DAPK1: variants seen among roughly 807,000 people sequenced by gnomAD.
The protein encoded by DAPK1 is death-associated protein kinase 1.
In DAPK1, 56 loss-of-function variants were observed where a neutral mutation model predicts 144.9. That is an observed-to-expected ratio of 0.39 (90% CI 0.31 to 0.48). The LOEUF (loss-of-function observed/expected upper bound fraction) is 0.48, where lower values mean the gene tolerates loss of function less well. Ranked by LOEUF, DAPK1 falls within the 20% of genes least tolerant of loss-of-function variation. The pLI, the probability that DAPK1 is intolerant of heterozygous loss-of-function variation, is 0.95. For synonymous variants in DAPK1, 690 were observed against 749.0 expected (o/e 0.92, Z 1.29); for missense variants, 1,454 against 1,875.4 (o/e 0.78, Z 4.15).
At chr9:87,677,959 AC>A (rs1364971917) in intron 19 of DAPK1, among the ~76,000 whole-genome samples, 1 of 152,100 alleles carries the variant, frequency 6.6e-6, no homozygotes, top group African/African-American at 2.4e-5. Flanking sequence ...GACAGGTGCC[AC>A]CCCCAATGAG....
At position 87,521,345 on chromosome 9, in the gene DAPK1, T is replaced by C. The variant is rs1322188362; in HGVS notation, c.62+22206T>C. On this transcript the variant is annotated intron_variant, in intron 2 of 25. Coordinates refer to ENST00000408954, the MANE Select transcript of DAPK1 (RefSeq NM_004938.4). ...AGGTCTGGAAAGGCAGGTGCTTGTC[T>C]GTCTTATTCAGTCTTTAGCCCCAGA... Among the ~76,000 whole-genome samples the C allele has an allele frequency of 2.6e-5, 4 of 152,250 alleles. No homozygotes were observed. In the East Asian group the frequency reaches 7.7e-4, roughly 29 times the overall value.
chr9:87,659,867 C>T (rs1470421243), intron 18 of DAPK1, among the ~76,000 whole-genome samples: 9 of 152,180 alleles, frequency 5.9e-5, no homozygotes, highest in East Asian at 1.9e-4. Context: ...ACAGTGAGAG[C>T]GGGGAGTCCA....
chr9:87,505,265 T>C (rs1824543592), intron 2 of DAPK1, among the ~76,000 whole-genome samples: 1 of 152,248 alleles, frequency 6.6e-6, no homozygotes. Flanking sequence ...AATATTATTT[T>C]AGTAGAAATT....
At chr9:87,521,215 G>A (rs1825286468) in intron 2 of DAPK1, among the ~76,000 whole-genome samples, 1 of 152,162 alleles carries the variant, frequency 6.6e-6, no homozygotes. Context: ...ATCACCTAAG[G>A]GTGTCTGTGT....
At chr9:87,613,340 G>A (rs1315771905) in intron 3 of DAPK1, among the ~76,000 whole-genome samples, 1 of 152,146 alleles carries the variant, frequency 6.6e-6, no homozygotes, top group Admixed American at 6.5e-5. Flanking sequence ...CTGAAATGCT[G>A]TGCCTATTGA....
intron 19 of DAPK1, 119 bp from the exon 20 acceptor site, chr9:87,681,285 G>T: frequency 1.3e-5 from 5 of 394,372 alleles, no homozygotes; most frequent in Non-Finnish European, 1.7e-5. Context: ...TCTCAAAAAA[G>T]AAAAAAAGAA....
chr9:87,604,406 G>A (rs1422889506), intron 2 of DAPK1, among the ~76,000 whole-genome samples: 2 of 152,200 alleles, frequency 1.3e-5, no homozygotes, highest in African/African-American at 2.4e-5. Flanking sequence ...TAATGCTGGA[G>A]AAGTGACCAA....
At chr9:87,515,029 G>A (rs10122064) in intron 2 of DAPK1, among the ~76,000 whole-genome samples, 2,031 of 152,282 alleles carry the variant, frequency 0.013, 47 homozygotes, top group African/African-American at 0.046. Context: ...GGCAAAAGCT[G>A]GAGAACCCGA....
chr9:87,518,567 T>C (rs1347264815), intron 2 of DAPK1, among the ~76,000 whole-genome samples: 1 of 152,130 alleles, frequency 6.6e-6, no homozygotes, highest in Admixed American at 6.5e-5. Context: ...GCCTCACAAC[T>C]GTTTACTAGG....
At chr9:87,691,573 A>G (rs1030105862) in intron 21 of DAPK1, among the ~76,000 whole-genome samples, 3 of 151,796 alleles carry the variant, frequency 2.0e-5, no homozygotes, top group African/African-American at 4.8e-5. Context: ...TTTGAGGTGC[A>G]TCATTCGATT....
At chr9:87,660,008 A>G (rs1013442002) in intron 18 of DAPK1, among the ~76,000 whole-genome samples, 1 of 152,068 alleles carries the variant, frequency 6.6e-6, no homozygotes, top group Non-Finnish European at 1.5e-5. Flanking sequence ...GTGGGTCCTG[A>G]GGGCGTGGAC....
At chr9:87,595,715 G>A (rs1170372697) in intron 2 of DAPK1, among the ~76,000 whole-genome samples, 1 of 152,150 alleles carries the variant, frequency 6.6e-6, no homozygotes, top group Non-Finnish European at 1.5e-5. Flanking sequence ...CTTTCGCCAA[G>A]GGACCGACCT....
At position 87,683,906 on chromosome 9, in the gene DAPK1, A is replaced by C. The variant is rs529517500; in HGVS notation, c.2224+2280A>C. Among the ~76,000 whole-genome samples the C allele has an allele frequency of 2.7e-3, 416 of 152,222 alleles. 7 individuals carry two copies. Among genetic ancestry groups the C allele is most frequent in the African/African-American group, 9.8e-3 (405 of 41,522 alleles). The stretch of plus-strand genomic sequence containing the variant: ...CAGCTGTCCTGGTCCCTGGGCCCCC[A>C]CAGTCAGTGCCGCCTGCCCCTGGTG... On this transcript the variant is annotated intron_variant, in intron 20 of 25. Coordinates refer to ENST00000408954, the MANE Select transcript of DAPK1 (RefSeq NM_004938.4).
At chr9:87,555,602 C>T (rs12004203) in intron 2 of DAPK1, among the ~76,000 whole-genome samples, 35,287 of 151,674 alleles carry the variant, frequency 0.23, 4,638 homozygotes, top group Non-Finnish European at 0.31. Context: ...CTCCCGGGTT[C>T]AAGCAATTTT....
chr9:87,639,687 G>A lies in DAPK1; in HGVS notation c.591G>A (p.Glu197=), dbSNP rs1348051081. The A allele has an allele frequency of 6.2e-7, 1 of 1,614,096 alleles. No homozygotes were observed. Reference sequence around the variant, plus strand: ...TCAACTATGAACCTCTTGGTCTTGAGGCAGATATGTGGTAAGGAGTATGTC... The same window carrying A: ...TCAACTATGAACCTCTTGGTCTTGAAGCAGATATGTGGTAAGGAGTATGTC... ...EIVNYEPLGL[E]ADMWSIGVIT... The change falls in exon 6 of 26, where the codon GAG becomes GAA. Residue 197 remains glutamate, a synonymous_variant. Transcript: ENST00000408954.
chr9:87,661,563 C>G (rs1210656670), intron 18 of DAPK1, among the ~76,000 whole-genome samples: 2 of 152,126 alleles, frequency 1.3e-5, no homozygotes, highest in Admixed American at 6.5e-5. Flanking sequence ...ACTTGCATGT[C>G]TCTGATGATT....
At position 87,499,086 on chromosome 9, in the gene DAPK1, G is replaced by A; in HGVS notation, c.9G>A (p.Val3=). The part of the protein sequence containing the change: MT[V]FRQENVDDYY... Reference sequence around the variant, plus strand: ...AGGCGTGACAGTTTATCATGACCGTGTTCAGGCAGGAAAACGTGGATGATT... The same window carrying A: ...AGGCGTGACAGTTTATCATGACCGTATTCAGGCAGGAAAACGTGGATGATT... The change falls in exon 2 of 26, where the codon GTG becomes GTA. Residue 3 remains valine (V), a synonymous_variant. Coordinates refer to ENST00000408954, the MANE Select transcript of DAPK1 (RefSeq NM_004938.4). 1.1e-5 allele frequency: 18 copies of A among 1,614,122 alleles called. No individual in the cohort carries two copies. Among genetic ancestry groups the A allele is most frequent in the Non-Finnish European group, 1.5e-5 (18 of 1,180,004 alleles).
At chr9:87,687,345 A>G (rs1282407523) in intron 21 of DAPK1, among the ~76,000 whole-genome samples, 1 of 152,106 alleles carries the variant, frequency 6.6e-6, no homozygotes, top group Non-Finnish European at 1.5e-5. Flanking sequence ...CCTCCATAAA[A>G]TCAACTTTTT....
intron 2 of DAPK1, among the ~76,000 whole-genome samples, chr9:87,508,684 C>T (rs1317519021): frequency 6.6e-6 from 1 of 152,146 alleles, no homozygotes; most frequent in East Asian, 1.9e-4. Context: ...ACCCCTGACA[C>T]CTGACCCACA....
Sources: gnomAD v4.1 joint callset for allele counts (sites outside exome capture counted in the v4.1 genomes callset) on GRCh38, gnomAD v4.1.1 for gene constraint, MANE v1.5 for transcripts, NCBI Gene and HGNC (gene_info 2026-07-23, HGNC 2026-07-21) for gene names.